CDH11: variants seen among roughly 807,000 people sequenced by gnomAD.
The protein encoded by CDH11 is cadherin-11.
In CDH11, 11 loss-of-function variants were observed where a neutral mutation model predicts 67.8. That is an observed-to-expected ratio of 0.16 (90% CI 0.10 to 0.27). The LOEUF is 0.27. CDH11 is among the 10% of genes least tolerant of loss of function. CDH11 has a pLI of 1.00. For synonymous variants in CDH11, 419 were observed against 400.0 expected (o/e 1.05, Z -0.57); for missense variants, 847 against 1,031.2 (o/e 0.82, Z 2.45).
At chr16:65,009,089 G>A (rs58281783) in intron 2 of CDH11, among the ~76,000 whole-genome samples, 3,401 of 152,188 alleles carry the variant, frequency 0.022, 134 homozygotes, top group African/African-American at 0.077. Context: ...TGAATGTTTG[G>A]TTTGAGGACT....
At chr16:64,992,666 G>C (rs1355241720) in intron 5 of CDH11, among the ~76,000 whole-genome samples, 3 of 152,212 alleles carry the variant, frequency 2.0e-5, no homozygotes, top group Non-Finnish European at 4.4e-5. Flanking sequence ...TGATATTAAA[G>C]TTGAGTTTTT....
At chr16:64,964,890 T>G (rs2142406740) in intron 11 of CDH11, among the ~76,000 whole-genome samples, 1 of 152,134 alleles carries the variant, frequency 6.6e-6, no homozygotes, top group African/African-American at 2.4e-5. Flanking sequence ...TACACTAAAC[T>G]TATAAAAATT....
rs2071161308 is a variant in CDH11, at chr16:64,944,495, C to T, written c.*3108G>A. ...CTGCCAAATAAATTTTGCCCCTCTTCTGCTCAGAGACTCCAACTGCCCAGC... is the reference window on the plus strand; with the variant it reads ...CTGCCAAATAAATTTTGCCCCTCTTTTGCTCAGAGACTCCAACTGCCCAGC... On this transcript the variant is annotated 3_prime_UTR_variant, in exon 13 of 13. Transcript: ENST00000268603. The T allele has an allele frequency of 4.3e-6, 1 of 233,144 alleles. No individual in the cohort carries two copies. The highest frequency in any genetic ancestry group is 8.5e-6 in the Non-Finnish European group (1 of 118,132). The allele number at this position is 233,144 out of a possible 1,614,324, so 14.4% of individuals were successfully genotyped here. A position where few individuals can be genotyped will look rare whatever the true frequency, so the allele number is the denominator to read the frequency against.
chr16:65,019,235 A>G (rs1394039654), intron 2 of CDH11, among the ~76,000 whole-genome samples: 9 of 152,176 alleles, frequency 5.9e-5, no homozygotes, highest in African/African-American at 2.2e-4. Context: ...TTACAATTTG[A>G]TTTTGGCAAG....
At chr16:65,100,737 CAAAAAAAAA>C (rs34745214) in intron 1 of CDH11, among the ~76,000 whole-genome samples, 1 of 93,032 alleles carries the variant, frequency 1.1e-5, no homozygotes, top group Non-Finnish European at 2.1e-5. Context: ...GACTCTGTCT[CAAAAAAAAA>C]AAAAAAAGAA....
At chr16:65,044,717 T>C (rs1161186108) in intron 2 of CDH11, among the ~76,000 whole-genome samples, 1 of 151,906 alleles carries the variant, frequency 6.6e-6, no homozygotes, top group East Asian at 1.9e-4. Context: ...CAGCACAATA[T>C]GGACAGAGTT....
intron 8 of CDH11, among the ~76,000 whole-genome samples, chr16:64,977,981 A>C (rs949336202): frequency 5.9e-5 from 9 of 152,054 alleles, no homozygotes; most frequent in Non-Finnish European, 7.4e-5. Context: ...TCCTGCCACT[A>C]TTTTCTTTGA....
Position 65,007,842 on chromosome 16 carries a change from C to T in CDH11, c.-172-2801G>A, listed in dbSNP as rs1246940266. On this transcript the variant is annotated intron_variant, in intron 2 of 12. Transcript: ENST00000268603. ...TTATATCTTATTCACATTTATATGT[C>T]TGACACCTGAACACAAAGCAGGCCG... 2.0e-5 allele frequency among the ~76,000 whole-genome samples: 3 copies of T among 152,126 alleles called. No individual in the cohort carries two copies. The South Asian group carries it at 6.2e-4, about 32-fold the overall frequency.
In CDH11 at chr16:64,947,847, T is replaced by C. The variant is rs752376523; in HGVS notation, c.2147A>G (p.Asp716Gly). The C allele has an allele frequency of 6.2e-7, 1 of 1,614,132 alleles. No individual in the cohort carries two copies. The highest frequency in any genetic ancestry group is 8.5e-7 in the Non-Finnish European group (1 of 1,179,986). ...TCTCGTGTTGATGAAGTCATCGACA[T>C]CCACGCTGTTGGGCGCTGGCCGGAG... is the stretch of plus-strand genomic sequence containing the variant. ...PGLRPAPNSV[D>G]VDDFINTRIQ... The change falls in exon 13 of 13, where the codon GAT becomes GGT. Residue 716 changes from aspartate (D) to glycine (G), a missense_variant. Around this residue, in one of 2 missense-constraint regions of CDH11, gnomAD observed 612 missense variants for 678.7 expected, o/e 0.90. Transcript: ENST00000268603.
chr16:65,020,726 G>T (rs1213281636), intron 2 of CDH11, among the ~76,000 whole-genome samples: 6 of 152,010 alleles, frequency 3.9e-5, no homozygotes, highest in Non-Finnish European at 8.8e-5. Flanking sequence ...TAAAGTATTT[G>T]ATTTAACTGC....
chr16:65,096,046 T>C (rs2074884680), intron 1 of CDH11, among the ~76,000 whole-genome samples: 1 of 152,224 alleles, frequency 6.6e-6, no homozygotes, highest in African/African-American at 2.4e-5. Context: ...ATAATTTCTC[T>C]ACATGCTCTG....
chr16:64,951,764 T>A (rs1003487704), intron 11 of CDH11, among the ~76,000 whole-genome samples: 59 of 152,182 alleles, frequency 3.9e-4, no homozygotes, highest in African/African-American at 1.4e-3. Context: ...TTATGCAAAC[T>A]ATGAATCCAC....
Position 64,944,416 on chromosome 16 carries a change from C to T in CDH11, c.*3187G>A, listed in dbSNP as rs1312769488. Reference sequence around the variant, plus strand: ...ATCTCATATTGACCTTTGCAAAAGCCCTCCTGGGGCACACCTCTGGGTTTA... The same window carrying T: ...ATCTCATATTGACCTTTGCAAAAGCTCTCCTGGGGCACACCTCTGGGTTTA... On this transcript the variant is annotated 3_prime_UTR_variant, in exon 13 of 13. Transcript: ENST00000268603. 8.6e-6 allele frequency: 2 copies of T among 232,668 alleles called. No individual in the cohort carries two copies. The highest frequency in any genetic ancestry group is 1.7e-5 in the Non-Finnish European group (2 of 117,690). The allele number at this position is 232,668 out of a possible 1,614,324, so 14.4% of individuals were successfully genotyped here.
rs866114592 is a variant in CDH11 at position 64,998,802 on chromosome 16, C to T, written c.283G>A (p.Glu95Lys). The change falls in exon 4 of 13, where the codon GAA becomes AAA. Residue 95 changes from glutamate to lysine, a missense_variant. Physicochemically the swap from Glu to Lys is moderately conservative, Grantham distance 56. Coordinates refer to ENST00000268603, the MANE Select transcript of CDH11 (RefSeq NM_001797.4). ...ATCACAAAAATGGTTCCAGCTCCTT[C>T]CCCTGAGAGAATGTATTTAATGTTC... is the stretch of plus-strand genomic sequence containing the variant. ...DGNIKYILSG[E>K]GAGTIFVIDD... 6.2e-7 allele frequency: 1 copy of T among 1,614,070 alleles called. No homozygotes were observed. Among genetic ancestry groups the T allele is most frequent in the Non-Finnish European group, 8.5e-7 (1 of 1,179,964 alleles).
chr16:64,948,621 T>G (rs921762486), intron 12 of CDH11: 1 of 1,611,184 alleles, frequency 6.2e-7, no homozygotes, highest in African/African-American at 1.3e-5. Context: ...TAAGTGTGGT[T>G]GGACTCTCTG....
intron 1 of CDH11, among the ~76,000 whole-genome samples, chr16:65,115,728 A>AAAAAAAAC (rs2075234753): frequency 6.7e-6 from 1 of 149,966 alleles, no homozygotes; most frequent in Non-Finnish European, 1.5e-5. Flanking sequence ...AAAACAAAAA[A>AAAAAAAAC]ACAAAACCTC....
At chr16:65,046,825 T>C (rs112663808) in intron 2 of CDH11, among the ~76,000 whole-genome samples, 2 of 152,192 alleles carry the variant, frequency 1.3e-5, no homozygotes, top group African/African-American at 4.8e-5. Flanking sequence ...AAAATTAAGG[T>C]GGCTGGGCGC....
chr16:65,094,675 C>T (rs150794778), intron 1 of CDH11: 46 of 152,160 alleles, frequency 3.0e-4, no homozygotes, highest in African/African-American at 1.1e-3. Context: ...TGATCTCCTC[C>T]CAGAAGGAGA....
At chr16:65,055,555 T>C (rs1237619808) in intron 1 of CDH11, among the ~76,000 whole-genome samples, 1 of 152,126 alleles carries the variant, frequency 6.6e-6, no homozygotes, top group Non-Finnish European at 1.5e-5. Context: ...ATTTCATAGG[T>C]TCACAGCTGC....
Sources: gnomAD v4.1 joint callset for allele counts (sites outside exome capture counted in the v4.1 genomes callset) on GRCh38, gnomAD v4.1.1 for gene constraint, gnomAD v4.1.1 regional missense constraint, MANE v1.5 for transcripts, NCBI Gene and HGNC (gene_info 2026-07-23, HGNC 2026-07-21) for gene names.